The following ZNF454 variants were observed in gnomAD, a reference collection of about 807,000 sequenced individuals.
The protein encoded by ZNF454 is zinc finger protein 454.
A neutral mutation model predicts 48.2 loss-of-function variants in ZNF454; 30 were observed. The observed-to-expected ratio is 0.62, with a 90% CI of 0.47 to 0.84. The LOEUF is 0.84. ZNF454 is among the 40% of genes least tolerant of loss of function. ZNF454 has a pLI of 0.00. For synonymous variants in ZNF454, 204 were observed against 211.4 expected, an observed-to-expected ratio of 0.97 and a Z score of 0.30; for missense variants, 510 against 623.1, an observed-to-expected ratio of 0.82 and a Z score of 1.93.
the ZNF454 span, among the ~76,000 whole-genome samples, chr5:178,973,514 C>T: frequency 6.6e-6 from 1 of 152,064 alleles, no homozygotes; most frequent in Non-Finnish European, 1.5e-5. Flanking sequence ...ATCTTTTATC[C>T]TCCAGTTTTT....
intron 4 of ZNF454, among the ~76,000 whole-genome samples, chr5:178,950,540 A>G (rs1759513130): frequency 6.6e-6 from 1 of 152,204 alleles, no homozygotes. Flanking sequence ...TTTTAATTAC[A>G]TATAAATTGT....
In ZNF454 at chr5:178,942,966, C is replaced by T. The variant is rs770938826; in HGVS notation, c.33+142C>T. ...GTTGCCTCTCCCCAACCAACACCCT[C>T]CAACCCCGCCCCATATCCGGCTCAT... On this transcript the variant is annotated intron_variant, in intron 2 of 4. Transcript: ENST00000519564. The T allele has an allele frequency of 5.2e-4, 429 of 820,196 alleles. 2 individuals carry two copies. The highest frequency in any genetic ancestry group is 1.0e-3 in the South Asian group (51 of 50,402). 50.8% of individuals were successfully genotyped at this position (820,196 alleles called of 1,614,324 possible). A position where few individuals can be genotyped will look rare whatever the true frequency, so the allele number is the denominator to read the frequency against.
intron 4 of ZNF454, among the ~76,000 whole-genome samples, chr5:178,954,837 T>C (rs1359940103): frequency 6.6e-6 from 1 of 152,234 alleles, no homozygotes; most frequent in Non-Finnish European, 1.5e-5. Context: ...GTCTGGCTTC[T>C]TTACTGGCAT....
chr5:178,965,718 A>C lies in ZNF454; in HGVS notation c.1314A>C (p.Lys438Asn). ...ATCAGAGAATTCATACTGGGGAAAA[A>C]CCTTATACATGTAACATATGTGAAA... is the stretch of plus-strand genomic sequence containing the variant. ...AQHQRIHTGE[K>N]PYTCNICEKA... The change falls in exon 5 of 5, where the codon AAA (lysine) becomes AAC (asparagine). Residue 438 changes from lysine (K) to asparagine (N), a missense_variant. Physicochemically the swap from Lys to Asn is moderately conservative, Grantham distance 94 (BLOSUM62 0). Transcript: ENST00000519564. The surrounding 1 kb of genome is among the most constrained non-coding windows in gnomAD (Gnocchi z 5.2). The C allele has an allele frequency of 2.5e-6, 4 of 1,614,144 alleles. No individual in the cohort carries two copies. Among genetic ancestry groups the C allele is most frequent in the Non-Finnish European group, 2.5e-6 (3 of 1,180,034 alleles).
At chr5:178,989,445 A>G in the ZNF454 span, 6 of 1,612,968 alleles carry the variant, frequency 3.7e-6, no homozygotes, top group Non-Finnish European at 5.1e-6. Flanking sequence ...CGCTGACCTG[A>G]GCCAGCTGTG....
At chr5:178,969,736 G>A (rs1760212998), downstream of ZNF454, 2 of 442,540 alleles carry the variant, frequency 4.5e-6, no homozygotes, top group South Asian at 1.6e-5. Context: ...CTCCCACCTC[G>A]GAGCGTTCCG....
At chr5:178,953,589 T>A (rs1759636844) in intron 4 of ZNF454, among the ~76,000 whole-genome samples, 1 of 152,150 alleles carries the variant, frequency 6.6e-6, no homozygotes, top group African/African-American at 2.4e-5. Flanking sequence ...GTGGCATACA[T>A]CTCCTTGTAG....
the ZNF454 span, chr5:178,986,170 G>T: frequency 6.2e-7 from 1 of 1,613,966 alleles, no homozygotes; most frequent in African/African-American, 1.3e-5. Flanking sequence ...CAGCTGTGAG[G>T]TGGGGCTGAT....
chr5:178,982,090 CACCTGGGGAAGCGGG>C, the ZNF454 span, among the ~76,000 whole-genome samples: 1 of 152,178 alleles, frequency 6.6e-6, no homozygotes, highest in East Asian at 1.9e-4. Context: ...AACAGAGAGA[CACCTGGGGAAGCGGG>C]AGCCGGGGCA....
the ZNF454 span, chr5:178,981,403 C>G: frequency 7.0e-5 from 37 of 528,228 alleles, no homozygotes; most frequent in Middle Eastern, 1.5e-3. The surrounding 1 kb of genome is among the most constrained non-coding windows in gnomAD (Gnocchi z 5.1). Flanking sequence ...AGAGCTAGAA[C>G]CTTCTCGGTG....
the ZNF454 span, among the ~76,000 whole-genome samples, chr5:178,974,609 C>T: frequency 0.23 from 34,957 of 152,108 alleles, 4,420 homozygotes; most frequent in Non-Finnish European, 0.28. Context: ...TGAGCCACCG[C>T]GCCCGGCCTC....
the ZNF454 span, among the ~76,000 whole-genome samples, chr5:178,972,942 G>A: frequency 1.6e-4 from 24 of 150,774 alleles, no homozygotes; most frequent in Non-Finnish European, 2.9e-4. Context: ...AGGCATCCAC[G>A]TTTTCCTGCC....
chr5:178,985,515 A>G, the ZNF454 span: 80 of 339,976 alleles, frequency 2.4e-4, no homozygotes, highest in Admixed American at 4.0e-4. Flanking sequence ...CATCCTGGCT[A>G]ACACGGTGAA....
chr5:178,956,460 C>T (rs911651247), intron 4 of ZNF454, among the ~76,000 whole-genome samples: 25 of 147,176 alleles, frequency 1.7e-4, no homozygotes, highest in Non-Finnish European at 3.1e-4. Context: ...GGCCCCAACA[C>T]AGTTCTCCCG....
chr5:178,967,991 G>A (rs1760190806), downstream of ZNF454, among the ~76,000 whole-genome samples: 7 of 151,902 alleles, frequency 4.6e-5, no homozygotes, highest in South Asian at 1.5e-3. Flanking sequence ...CGCCCACCTC[G>A]GCCTCCCCAG....
At chr5:178,985,651 T>G in the ZNF454 span, 36 of 382,482 alleles carry the variant, frequency 9.4e-5, no homozygotes, top group African/African-American at 1.6e-4. Context: ...TGCAGGGAGC[T>G]GAGATAGTGC....
chr5:178,982,675 CAAAGA>C, the ZNF454 span: 4 of 381,328 alleles, frequency 1.0e-5, no homozygotes, highest in African/African-American at 1.2e-4. Flanking sequence ...CAATATCTCT[CAAAGA>C]AATGAAAATG....
chr5:178,977,483 C>G, the ZNF454 span: 1 of 453,194 alleles, frequency 2.2e-6, no homozygotes, highest in South Asian at 1.6e-5. Context: ...GCCACTGAGT[C>G]TATGGTACTC....
chr5:178,984,111 A>G, the ZNF454 span, among the ~76,000 whole-genome samples: 1 of 152,196 alleles, frequency 6.6e-6, no homozygotes, highest in African/African-American at 2.4e-5. Context: ...GTGGATCACG[A>G]GGTCAGGAGA....
Sources: gnomAD v4.1 joint callset for allele counts (sites outside exome capture counted in the v4.1 genomes callset) on GRCh38, gnomAD v4.1.1 for gene constraint, Gnocchi (gnomAD v3.1) non-coding constraint, MANE v1.5 for transcripts, NCBI Gene and HGNC (gene_info 2026-07-23, HGNC 2026-07-21) for gene names.